HIVEP3: variants seen among roughly 807,000 people sequenced by gnomAD.
The protein encoded by HIVEP3 is transcription factor HIVEP3.
In HIVEP3, 49 loss-of-function variants were observed where a neutral mutation model predicts 152.8. The observed-to-expected ratio is 0.32, with a 90% CI of 0.26 to 0.41. HIVEP3 has a LOEUF of 0.41. Ranked by LOEUF, HIVEP3 falls within the 10% of genes least tolerant of loss-of-function variation. The pLI, the probability that HIVEP3 is intolerant of heterozygous loss-of-function variation, is 1.00. For missense variants in HIVEP3, 2,790 were observed against 3,103.3 expected (o/e 0.90, Z 2.40); for synonymous variants, 1,269 against 1,289.0 (o/e 0.98, Z 0.33).
intron 1 of HIVEP3, among the ~76,000 whole-genome samples, chr1:41,967,327 G>T (rs1203263677): frequency 6.6e-6 from 1 of 152,112 alleles, no homozygotes; most frequent in Non-Finnish European, 1.5e-5. Flanking sequence ...AAATGCAAAA[G>T]AACTGAAATC....
chr1:41,551,594 G>T (rs1361210164), intron 5 of HIVEP3, among the ~76,000 whole-genome samples: 1 of 152,058 alleles, frequency 6.6e-6, no homozygotes, highest in African/African-American at 2.4e-5. Flanking sequence ...GTTTCTTCCT[G>T]GTTTAGTCTT....
rs150154385 is a variant in HIVEP3 at position 41,841,461 on chromosome 1, A to G, written c.-801+76952T>C. ...AATGCTCTGTGAATATCAGTGCAGC[A>G]CTGATAAGCTGGACCCTGAACCAGT... On this transcript the variant is annotated intron_variant, in intron 1 of 8. Coordinates refer to ENST00000372583, the MANE Select transcript of HIVEP3 (RefSeq NM_024503.5). Among the ~76,000 whole-genome samples, 173 of 152,330 alleles carry G rather than the reference A, an allele frequency of 1.1e-3. 1 individual carries two copies. Among genetic ancestry groups the G allele is most frequent in the African/African-American group, 3.9e-3 (161 of 41,564 alleles).
chr1:41,996,210 T>C lies in HIVEP3; in HGVS notation n.119+39597A>G, dbSNP rs553285246. On this transcript the variant is annotated intron_variant and non_coding_transcript_variant, in intron 1 of 3. Coordinates refer to the HIVEP3 transcript ENST00000489103. ...GAGTTCAAGACCAGCCTGGCCAACA[T>C]ATCAAGACGTTATTTCTATTAAAAA... 5.3e-5 allele frequency among the ~76,000 whole-genome samples: 8 copies of C among 151,508 alleles called. No homozygotes were observed. In the South Asian group the frequency reaches 1.5e-3, roughly 28 times the overall value.
At chr1:41,858,724 C>T (rs1643838469) in intron 1 of HIVEP3, among the ~76,000 whole-genome samples, 1 of 152,144 alleles carries the variant, frequency 6.6e-6, no homozygotes, top group African/African-American at 2.4e-5. Flanking sequence ...AAAACAGCCA[C>T]AAGAAAGTAA....
intron 1 of HIVEP3, among the ~76,000 whole-genome samples, chr1:41,961,960 A>T (rs559652789): frequency 6.6e-6 from 1 of 152,268 alleles, no homozygotes; most frequent in Non-Finnish European, 1.5e-5. Flanking sequence ...AAAAGAAGAC[A>T]ATGGATAGAT....
At chr1:41,725,074 C>G (rs1646732940) in intron 1 of HIVEP3, among the ~76,000 whole-genome samples, 1 of 152,210 alleles carries the variant, frequency 6.6e-6, no homozygotes, top group Non-Finnish European at 1.5e-5. Flanking sequence ...GGTCAAGTGA[C>G]CTGCCCAGAG....
In HIVEP3 at chr1:41,510,465, G is replaced by A. The variant is rs1284205764; in HGVS notation, c.7207C>T (p.Pro2403Ser). ...AHPHQPEDRV[P>S]PNA is the part of the protein sequence containing the mutation. ...TTGGAGAGAGGCTAAGCGTTGGGGG[G>A]AACCCTGTCCTCAGGCTGATGTGGA... The change falls in exon 9 of 9, where the codon CCC becomes TCC. Residue 2403 changes from proline to serine, a missense_variant. By Grantham distance (74) the Pro-to-Ser change is moderately conservative. Transcript: ENST00000372583. The A allele has an allele frequency of 3.3e-6, 5 of 1,504,740 alleles. No individual in the cohort carries two copies. The South Asian group carries it at 5.4e-5, about 16-fold the overall frequency. The allele number at this position is 1,504,740 out of a possible 1,614,324, so 93.2% of individuals were successfully genotyped here. A position where few individuals can be genotyped will look rare whatever the true frequency, so the allele number is the denominator to read the frequency against.
At chr1:41,794,713 C>A (rs1206508742) in intron 1 of HIVEP3, among the ~76,000 whole-genome samples, 1 of 152,178 alleles carries the variant, frequency 6.6e-6, no homozygotes, top group Non-Finnish European at 1.5e-5. Flanking sequence ...GCAAACTAAA[C>A]TTTTCCCATG....
chr1:41,772,353 C>G (rs1165652661), intron 1 of HIVEP3, among the ~76,000 whole-genome samples: 2 of 152,184 alleles, frequency 1.3e-5, no homozygotes, highest in African/African-American at 2.4e-5. Context: ...TGCCCTCCTT[C>G]CTGGTGCATG....
intron 1 of HIVEP3, among the ~76,000 whole-genome samples, chr1:41,965,167 T>C (rs1645190755): frequency 6.6e-6 from 1 of 152,100 alleles, no homozygotes; most frequent in African/African-American, 2.4e-5. Flanking sequence ...AGCAGCCCTA[T>C]GGAAGAAAGT....
intron 5 of HIVEP3, among the ~76,000 whole-genome samples, chr1:41,571,770 GGC>G (rs1304444291): frequency 2.0e-5 from 3 of 152,178 alleles, no homozygotes; most frequent in African/African-American, 4.8e-5. Flanking sequence ...AAAGGTGAAG[GGC>G]GACAGGAACA....
At chr1:41,871,175 C>A (rs186370561) in intron 1 of HIVEP3, among the ~76,000 whole-genome samples, 9 of 152,298 alleles carry the variant, frequency 5.9e-5, no homozygotes, top group South Asian at 2.1e-4. Flanking sequence ...AGGCAGGTGG[C>A]TGGATGGGTT....
At chr1:41,802,620 C>T (rs1354493625) in intron 1 of HIVEP3, among the ~76,000 whole-genome samples, 1 of 151,882 alleles carries the variant, frequency 6.6e-6, no homozygotes, top group Non-Finnish European at 1.5e-5. Flanking sequence ...TGCCAAAGTG[C>T]CAACATCCTG....
chr1:41,772,427 T>C (rs1011840488), intron 1 of HIVEP3, among the ~76,000 whole-genome samples: 1 of 152,028 alleles, frequency 6.6e-6, no homozygotes, highest in South Asian at 2.1e-4. Context: ...TGCAGCCAAA[T>C]GCATCAGAGC....
chr1:41,539,236 A>AG (rs11438632), intron 5 of HIVEP3, among the ~76,000 whole-genome samples: 47,789 of 151,878 alleles, frequency 0.31, 8,154 homozygotes, highest in Non-Finnish European at 0.4. Flanking sequence ...ACAGTTTCCC[A>AG]GCAGCTCCTG....
At chr1:42,022,384 A>C (rs1203121586) in intron 1 of HIVEP3, among the ~76,000 whole-genome samples, 1 of 151,560 alleles carries the variant, frequency 6.6e-6, no homozygotes, top group African/African-American at 2.4e-5. Context: ...CCATAAACTT[A>C]CCCTCCTTCA....
At chr1:41,569,783 GCTGCGTACA>G (rs1367632379) in intron 5 of HIVEP3, among the ~76,000 whole-genome samples, 1 of 152,122 alleles carries the variant, frequency 6.6e-6, no homozygotes, top group Non-Finnish European at 1.5e-5. Context: ...ACAAAAACGT[GCTGCGTACA>G]CTGCATGAAC....
At chr1:42,024,770 T>G (rs1441578253) in intron 1 of HIVEP3, among the ~76,000 whole-genome samples, 1 of 152,250 alleles carries the variant, frequency 6.6e-6, no homozygotes, top group Non-Finnish European at 1.5e-5. Context: ...CAATTAAGAT[T>G]GCCTTCAGTG....
chr1:41,521,853 T>C (rs923274190), intron 6 of HIVEP3, among the ~76,000 whole-genome samples: 2 of 152,168 alleles, frequency 1.3e-5, no homozygotes, highest in Non-Finnish European at 2.9e-5. Flanking sequence ...AGGCGATCGG[T>C]GCAAGGGCCT....
Sources: gnomAD v4.1 joint callset for allele counts (sites outside exome capture counted in the v4.1 genomes callset) on GRCh38, gnomAD v4.1.1 for gene constraint, MANE v1.5 for transcripts, NCBI Gene and HGNC (gene_info 2026-07-23, HGNC 2026-07-21) for gene names.